Variants in SYNE1 observed in about 807,000 individuals in gnomAD.
The protein encoded by SYNE1 is spectrin repeat containing nuclear envelope protein 1.
In SYNE1, 616 loss-of-function variants were observed where a neutral mutation model predicts 1,111.0. The observed-to-expected ratio is 0.55, with a 90% CI of 0.52 to 0.59. The LOEUF (loss-of-function observed/expected upper bound fraction) is 0.59. Ranked by LOEUF, SYNE1 falls within the 20% of genes least tolerant of loss-of-function variation. The pLI is 0.00. For synonymous variants in SYNE1, 3,855 were observed against 3,825.8 expected, an observed-to-expected ratio of 1.01 and a Z score of -0.28; for missense variants, 10,006 against 10,417.0, an observed-to-expected ratio of 0.96 and a Z score of 1.72.
In SYNE1 at chr6:152,277,887, A is replaced by T. The variant is rs2093759287; in HGVS notation, c.18573+202T>A. 4.5e-6 allele frequency: 3 copies of T among 662,544 alleles called. No individual in the cohort carries two copies. The African/African-American group carries it at 5.3e-5, about 12-fold the overall frequency. 41.0% of individuals were successfully genotyped at this position (662,544 alleles called of 1,614,324 possible). A position where few individuals can be genotyped will look rare whatever the true frequency, so the allele number is the denominator to read the frequency against. On this transcript the variant is annotated intron_variant, in intron 98 of 145. Transcript: ENST00000367255. ...ACTCCGCTGAACAGCTGTTGTTAGTAGTCCTAACAAAATCTATTTGCAAAT... is the reference window on the plus strand; with the variant it reads ...ACTCCGCTGAACAGCTGTTGTTAGTTGTCCTAACAAAATCTATTTGCAAAT...
chr6:152,159,524 A>G (rs961793684), intron 131 of SYNE1, among the ~76,000 whole-genome samples: 2 of 152,226 alleles, frequency 1.3e-5, no homozygotes, highest in Non-Finnish European at 2.9e-5. Flanking sequence ...TGAAGAAAGC[A>G]GCATGTTTTC....
At position 152,409,705 on chromosome 6, in the gene SYNE1, C is replaced by A. The variant is rs777807247; in HGVS notation, c.6235G>T (p.Gly2079Cys). ...AAGTCAATAAGTCCACAGCACTGAC[C>A]CTGACTGTAATGATTAAAGAAAATA... is the stretch of plus-strand genomic sequence containing the variant. Reference protein sequence around the residue: ...DTKRLIHENQGQCCGLIDLMR... With the variant: ...DTKRLIHENQCQCCGLIDLMR... The change falls in exon 43 of 146, where the codon GGT becomes TGT. Residue 2079 changes from glycine to cysteine, a missense_variant. By Grantham distance (159) the Gly-to-Cys change is radical. Around this residue, in one of 7 missense-constraint regions of SYNE1, gnomAD observed 4,955 missense variants for 5,017.2 expected, o/e 0.99. Transcript: ENST00000367255. The A allele has an allele frequency of 6.2e-7, 1 of 1,613,434 alleles. No homozygotes were observed. The highest frequency in any genetic ancestry group is 2.2e-5 in the East Asian group (1 of 44,800).
intron 3 of SYNE1, among the ~76,000 whole-genome samples, chr6:152,587,851 T>C (rs1411422281): frequency 1.3e-5 from 2 of 152,192 alleles, no homozygotes; most frequent in Non-Finnish European, 2.9e-5. Flanking sequence ...TTTAAAACCA[T>C]TGTCCGGAAG....
chr6:152,455,655 G>C, intron 23 of SYNE1, 65 bp from the exon 24 acceptor site: 1 of 1,597,790 alleles, frequency 6.3e-7, no homozygotes, highest in Non-Finnish European at 8.6e-7. Context: ...CATTTTGTTA[G>C]AGGGTATTAT....
chr6:152,599,050 G>A (rs938662122), intron 3 of SYNE1, among the ~76,000 whole-genome samples: 9 of 152,236 alleles, frequency 5.9e-5, no homozygotes, highest in East Asian at 1.9e-4. Flanking sequence ...CACCCTTCTC[G>A]TGAGATAATA....
rs1367008104 is a variant in SYNE1, at chr6:152,484,842, G to A, written c.1178C>T (p.Thr393Ile). ...AATTGTGGGAGAACTTACCCTGGAG[G>A]TCACTCTATCCCAAGATTGTTTTAC... is the stretch of plus-strand genomic sequence containing the variant. ...ALVKQSWDRVTSRLFDWHIQL... is the reference protein window; with the variant it reads ...ALVKQSWDRVISRLFDWHIQL... Residue 393 changes from threonine (T) to isoleucine (I), a missense_variant, in exon 13 of 146, where the codon ACC (threonine) becomes ATC (isoleucine). By Grantham distance (89) the Thr-to-Ile change is moderately conservative (BLOSUM62 -1). Around this residue, in one of 7 missense-constraint regions of SYNE1, gnomAD observed 1,971 missense variants for 2,084.1 expected, o/e 0.95. Transcript: ENST00000367255. 1.2e-6 allele frequency: 2 copies of A among 1,613,724 alleles called. No individual in the cohort carries two copies. Among genetic ancestry groups the A allele is most frequent in the Admixed American group, 1.7e-5 (1 of 59,994 alleles).
chr6:152,293,712 T>C lies in SYNE1; in HGVS notation c.17888A>G (p.Glu5963Gly). The C allele has an allele frequency of 6.2e-7, 1 of 1,614,068 alleles. No individual in the cohort carries two copies. The highest frequency in any genetic ancestry group is 8.5e-7 in the Non-Finnish European group (1 of 1,179,998). The change falls in exon 95 of 146, where the codon GAA (glutamate) becomes GGA (glycine). Residue 5963 changes from glutamate to glycine, a missense_variant. By Grantham distance (98) the Glu-to-Gly change is moderately conservative. Around this residue, in one of 7 missense-constraint regions of SYNE1, gnomAD observed 4,955 missense variants for 5,017.2 expected, o/e 0.99. Coordinates refer to ENST00000367255, the MANE Select transcript of SYNE1 (RefSeq NM_182961.4). ...GGAGTCCTGGTACTTCTGCTGGCGT[T>C]CCAAAGCTTCATAGAGTGTGCGCTG... ...EKQRTLYEALERQQKYQDSLQ... is the reference protein window; with the variant it reads ...EKQRTLYEALGRQQKYQDSLQ...
intron 104 of SYNE1, among the ~76,000 whole-genome samples, chr6:152,251,607 AAAT>A: frequency 6.6e-6 from 1 of 151,664 alleles, no homozygotes; most frequent in South Asian, 2.1e-4. Flanking sequence ...AAATACAAAA[AAAT>A]TAGCCGGGCG....
In SYNE1 at chr6:152,325,320, G is replaced by A; in HGVS notation, c.15439-18C>T. Reference sequence around the variant, plus strand: ...ACTAAAGCCTAGGGTTGGGGGTGGAGGACGGAAGAGAGGAGACAAGGGAGA... The same window carrying A: ...ACTAAAGCCTAGGGTTGGGGGTGGAAGACGGAAGAGAGGAGACAAGGGAGA... On this transcript the variant is annotated intron_variant, in intron 80 of 145. Transcript: ENST00000367255. 2 of 1,611,974 alleles carry A rather than the reference G, an allele frequency of 1.2e-6. No individual in the cohort carries two copies. The highest frequency in any genetic ancestry group is 8.5e-7 in the Non-Finnish European group (1 of 1,178,082).
intron 109 of SYNE1, 45 bp downstream of exon 109, chr6:152,236,772 T>C: frequency 1.2e-6 from 2 of 1,612,460 alleles, no homozygotes; most frequent in African/African-American, 1.3e-5. Flanking sequence ...CTGTTAAAAC[T>C]ATTGGTAAGT....
At position 152,363,367 on chromosome 6, in the gene SYNE1, G is replaced by A. The variant is rs939367577; in HGVS notation, c.10146-1044C>T. On this transcript the variant is annotated intron_variant, in intron 63 of 145. Coordinates refer to ENST00000367255, the MANE Select transcript of SYNE1 (RefSeq NM_182961.4). ...AAATTAGCCGGGCATGGTGGCGGGC[G>A]CCTGTAGTACCAGCTACTCGAGAGG... Among the ~76,000 whole-genome samples the A allele has an allele frequency of 4.6e-4, 69 of 149,888 alleles. 1 individual carries two copies. Among genetic ancestry groups the A allele is most frequent in the African/African-American group, 1.4e-3 (56 of 41,300 alleles).
At chr6:152,551,719 A>C (rs1418227480) in intron 3 of SYNE1, among the ~76,000 whole-genome samples, 1 of 152,218 alleles carries the variant, frequency 6.6e-6, no homozygotes, top group Non-Finnish European at 1.5e-5. Flanking sequence ...ATGGAAGCTA[A>C]GGAGAAAATG....
chr6:152,359,520 T>TA, intron 64 of SYNE1, 62 bp from the exon 65 acceptor site: 1 of 1,600,384 alleles, frequency 6.2e-7, no homozygotes, highest in Non-Finnish European at 8.6e-7. Flanking sequence ...ACGACACTGC[T>TA]AAAATCAAGA....
At chr6:152,442,693 C>T (rs1592786123) in intron 30 of SYNE1, among the ~76,000 whole-genome samples, 1 of 152,296 alleles carries the variant, frequency 6.6e-6, no homozygotes, top group Non-Finnish European at 1.5e-5. Context: ...CACCTGTAAT[C>T]CTAGCATTTT....
At chr6:152,439,508 C>T (rs1400049955) in intron 32 of SYNE1, among the ~76,000 whole-genome samples, 1 of 152,146 alleles carries the variant, frequency 6.6e-6, no homozygotes, top group East Asian at 1.9e-4. Flanking sequence ...GGATTACAGG[C>T]ATGAGCCATC....
chr6:152,506,265 GTA>G (rs1468909872), intron 8 of SYNE1, among the ~76,000 whole-genome samples: 2 of 152,102 alleles, frequency 1.3e-5, no homozygotes, highest in African/African-American at 4.8e-5. Context: ...AAACAGAGTT[GTA>G]AAGATGATTT....
At position 152,148,889 on chromosome 6, in the gene SYNE1, C is replaced by T. The variant is rs77810687; in HGVS notation, c.24643-511G>A. On this transcript the variant is annotated intron_variant, in intron 136 of 145. Transcript: ENST00000367255. The surrounding 1 kb of genome is among the most constrained non-coding windows in gnomAD (Gnocchi z 4.1). ...CGGAAATAAGAGCAAATTACTAAGACCTTAGCTTGTCCTTATAGCCCAGAT... is the reference window on the plus strand; with the variant it reads ...CGGAAATAAGAGCAAATTACTAAGATCTTAGCTTGTCCTTATAGCCCAGAT... Among the ~76,000 whole-genome samples, 1,169 of 152,244 alleles carry T rather than the reference C, an allele frequency of 7.7e-3. 14 individuals carry two copies. Among genetic ancestry groups the T allele is most frequent in the African/African-American group, 0.023 (976 of 41,550 alleles).
In SYNE1 at chr6:152,353,418, G is replaced by A. The variant is rs1324582824; in HGVS notation, c.11098C>T (p.Leu3700=). 1 of 1,614,036 alleles carries A rather than the reference G, an allele frequency of 6.2e-7. No homozygotes were observed. The highest frequency in any genetic ancestry group is 2.2e-5 in the East Asian group (1 of 44,900). ...TCCAAACTCTGAATCTCCTCCTCCA[G>A]GAATTTTATTTGTTCCTATGAAAGA... is the stretch of plus-strand genomic sequence containing the variant. ...LLQVLEQIKF[L]EEEIQSLEES... Residue 3700 remains leucine (L), a synonymous_variant, in exon 69 of 146, where the codon CTG becomes TTG. Transcript: ENST00000367255.
At chr6:152,301,392 G>C (rs770775507) in intron 92 of SYNE1, among the ~76,000 whole-genome samples, 4 of 152,040 alleles carry the variant, frequency 2.6e-5, no homozygotes, top group African/African-American at 9.7e-5. Context: ...AGCTTTAGAC[G>C]GTCTGTTTTC....
Sources: allele counts gnomAD v4.1 joint callset (sites outside exome capture counted in the v4.1 genomes callset), GRCh38; gene constraint gnomAD v4.1.1; regional missense constraint gnomAD v4.1.1; non-coding constraint Gnocchi (gnomAD v3.1); transcripts MANE v1.5; gene names NCBI Gene and HGNC (gene_info 2026-07-23, HGNC 2026-07-21).